PEBP4: variants seen among roughly 807,000 people sequenced by gnomAD.
The protein encoded by PEBP4 is phosphatidylethanolamine-binding protein 4.
In PEBP4, 22 loss-of-function variants were observed where a neutral mutation model predicts 23.9. The ratio of observed to expected loss-of-function variants is 0.92; its 90% CI spans 0.66 to 1.31. PEBP4 has a LOEUF of 1.31. Ranked by LOEUF, PEBP4 falls within the 40% of genes most tolerant of loss-of-function variation. The pLI, the probability that PEBP4 is intolerant of heterozygous loss-of-function variation, is 0.00. For synonymous variants in PEBP4, 112 were observed against 99.3 expected, an observed-to-expected ratio of 1.13 and a Z score of -0.76; for missense variants, 324 against 281.7, an observed-to-expected ratio of 1.15 and a Z score of -1.07.
chr8:22,715,911 G>A (rs942338573), intron 6 of PEBP4, among the ~76,000 whole-genome samples: 5 of 152,284 alleles, frequency 3.3e-5, no homozygotes, highest in Non-Finnish European at 7.4e-5. Context: ...TGTGGTCACC[G>A]CTCAGAGGAA....
intron 4 of PEBP4, among the ~76,000 whole-genome samples, chr8:22,741,451 C>T (rs1804993038): frequency 1.3e-5 from 2 of 152,208 alleles, no homozygotes; most frequent in Non-Finnish European, 1.5e-5. Flanking sequence ...CAGGCAAATG[C>T]CAATCCGGGA....
chr8:22,842,969 A>G (rs1807358474), intron 3 of PEBP4, among the ~76,000 whole-genome samples: 1 of 152,170 alleles, frequency 6.6e-6, no homozygotes, highest in Non-Finnish European at 1.5e-5. Context: ...CTGTGATTAC[A>G]GGCGCCCGCC....
intron 1 of PEBP4, among the ~76,000 whole-genome samples, chr8:22,940,705 G>A (rs569287444): frequency 1.3e-5 from 2 of 152,164 alleles, no homozygotes; most frequent in East Asian, 3.9e-4. Flanking sequence ...TAGCCAGGAT[G>A]GTCTTGATCT....
intron 4 of PEBP4, among the ~76,000 whole-genome samples, chr8:22,811,809 G>T (rs1806634976): frequency 6.6e-6 from 1 of 152,252 alleles, no homozygotes; most frequent in African/African-American, 2.4e-5. Context: ...GACTCATCTA[G>T]TTTCAAAGGG....
At chr8:22,898,383 C>A (rs1352359256) in intron 3 of PEBP4, among the ~76,000 whole-genome samples, 1 of 91,370 alleles carries the variant, frequency 1.1e-5, no homozygotes, top group Non-Finnish European at 1.9e-5. Flanking sequence ...CAGAGGAAGA[C>A]TCCACCCCAA....
chr8:22,835,560 G>T (rs2128764738), intron 3 of PEBP4, among the ~76,000 whole-genome samples: 1 of 152,324 alleles, frequency 6.6e-6, no homozygotes, highest in Admixed American at 6.5e-5. Context: ...CTGGGAATGG[G>T]ACTGTTACAG....
At chr8:22,805,919 T>C (rs1000329048) in intron 4 of PEBP4, among the ~76,000 whole-genome samples, 4 of 151,466 alleles carry the variant, frequency 2.6e-5, no homozygotes, top group African/African-American at 9.8e-5. Flanking sequence ...AGGGGTCTGA[T>C]AGATGCACAG....
At chr8:22,790,026 GC>G (rs1396186801) in intron 4 of PEBP4, among the ~76,000 whole-genome samples, 2 of 152,144 alleles carry the variant, frequency 1.3e-5, no homozygotes, top group Non-Finnish European at 2.9e-5. Flanking sequence ...GACCCCCATG[GC>G]CGCTCCGTCA....
chr8:22,723,073 G>A (rs937702987), intron 6 of PEBP4, among the ~76,000 whole-genome samples: 3 of 151,042 alleles, frequency 2.0e-5, no homozygotes, highest in Admixed American at 6.6e-5. Flanking sequence ...GAGCCACCGC[G>A]CCCAGCCTGG....
intron 1 of PEBP4, among the ~76,000 whole-genome samples, chr8:22,937,081 G>T (rs1585164534): frequency 6.6e-6 from 1 of 152,116 alleles, no homozygotes; most frequent in African/African-American, 2.4e-5. Flanking sequence ...AACATATATA[G>T]AAAGTTCTAG....
At chr8:22,857,876 C>T (rs1182775574) in intron 3 of PEBP4, among the ~76,000 whole-genome samples, 1 of 152,206 alleles carries the variant, frequency 6.6e-6, no homozygotes, top group Admixed American at 6.5e-5. Context: ...AAGAGGAGAG[C>T]TGTCCATGAG....
At chr8:22,846,867 C>T (rs1807447603) in intron 3 of PEBP4, among the ~76,000 whole-genome samples, 2 of 152,250 alleles carry the variant, frequency 1.3e-5, no homozygotes, top group Admixed American at 1.3e-4. Context: ...GGTGACATAA[C>T]AAAGGGGGTC....
chr8:22,875,070 C>A (rs1422724074), intron 3 of PEBP4, among the ~76,000 whole-genome samples: 1 of 151,940 alleles, frequency 6.6e-6, no homozygotes, highest in Non-Finnish European at 1.5e-5. Flanking sequence ...ATACTCACAG[C>A]CTGACCATCC....
At chr8:22,902,665 G>A (rs1371460017) in intron 3 of PEBP4, among the ~76,000 whole-genome samples, 4 of 152,194 alleles carry the variant, frequency 2.6e-5, no homozygotes. Flanking sequence ...TCTGGTCTCT[G>A]TCCAGCTCCT....
At chr8:22,729,695 G>A (rs562867697) in intron 4 of PEBP4, among the ~76,000 whole-genome samples, 1 of 152,310 alleles carries the variant, frequency 6.6e-6, no homozygotes, top group East Asian at 1.9e-4. Context: ...GCTTGACTGG[G>A]GCACTGATGG....
intron 3 of PEBP4, among the ~76,000 whole-genome samples, chr8:22,850,232 T>G (rs1393876036): frequency 1.3e-5 from 2 of 152,222 alleles, no homozygotes; most frequent in Non-Finnish European, 2.9e-5. Flanking sequence ...CCTCCCCTGG[T>G]TTAGGGTCTG....
chr8:22,923,225 G>T (rs921299753), intron 2 of PEBP4, among the ~76,000 whole-genome samples: 2 of 152,058 alleles, frequency 1.3e-5, no homozygotes, highest in Non-Finnish European at 2.9e-5. Context: ...ATTCCTCCAG[G>T]CTTCAGTTTG....
chr8:22,892,722 C>A (rs565862040), intron 3 of PEBP4, among the ~76,000 whole-genome samples: 2 of 152,274 alleles, frequency 1.3e-5, no homozygotes, highest in South Asian at 4.1e-4. Context: ...TTTACCCTAC[C>A]ACCTGAAACA....
At chr8:22,713,678 G>C in intron 6 of PEBP4, 142 bp from the exon 7 acceptor site, 1 of 1,181,778 alleles carries the variant, frequency 8.5e-7, no homozygotes, top group Non-Finnish European at 1.2e-6. Flanking sequence ...GGCTGGGGGA[G>C]CTTCCGGCTC....
Sources: gnomAD v4.1 joint callset for allele counts (sites outside exome capture counted in the v4.1 genomes callset) on GRCh38, gnomAD v4.1.1 for gene constraint, MANE v1.5 for transcripts, NCBI Gene and HGNC (gene_info 2026-07-23, HGNC 2026-07-21) for gene names.